MAML3: variants seen among roughly 807,000 people sequenced by gnomAD.
MAML3 encodes mastermind-like protein 3.
MAML3 carries 27 observed loss-of-function variants against 101.9 expected under a neutral mutation model. That is an observed-to-expected ratio of 0.27 (90% CI 0.20 to 0.37). The LOEUF is 0.37. Ranked by LOEUF, MAML3 falls within the 10% of genes least tolerant of loss-of-function variation. The probability of loss-of-function intolerance (pLI) is 1.00; values close to 1 mark genes in which losing one functional copy is unlikely to be tolerated. For synonymous variants in MAML3, 501 were observed against 555.9 expected, an observed-to-expected ratio of 0.90 and a Z score of 1.39; for missense variants, 1,316 against 1,444.9, an observed-to-expected ratio of 0.91 and a Z score of 1.45.
rs1728014447 is a variant in MAML3, at chr4:139,717,252, A to C, written c.*2071T>G. On this transcript the variant is annotated 3_prime_UTR_variant, in exon 5 of 5. Coordinates refer to ENST00000509479, the MANE Select transcript of MAML3 (RefSeq NM_018717.5). ...GGAGGAAGCTTTTAAAAGATAATGG[A>C]GCCCCCCACCCCTGTCTGTCTCACT... The C allele has an allele frequency of 6.7e-6, 1 of 150,182 alleles. No individual in the cohort carries two copies. Among genetic ancestry groups the C allele is most frequent in the Admixed American group, 6.6e-5 (1 of 15,050 alleles). 9.3% of individuals were successfully genotyped at this position (150,182 alleles called of 1,614,324 possible).
chr4:139,756,354 T>C (rs1729650509), intron 2 of MAML3, among the ~76,000 whole-genome samples: 1 of 152,188 alleles, frequency 6.6e-6, no homozygotes, highest in African/African-American at 2.4e-5. Flanking sequence ...TTTATTATGC[T>C]CCATCAAGAC....
intron 1 of MAML3, among the ~76,000 whole-genome samples, chr4:139,909,703 G>C (rs1014122940): frequency 6.6e-6 from 1 of 151,936 alleles, no homozygotes; most frequent in Admixed American, 6.6e-5. Flanking sequence ...TGGGCATGGT[G>C]GTATGTGCCT....
chr4:140,145,368 A>G (rs1729041090), intron 1 of MAML3, among the ~76,000 whole-genome samples: 1 of 152,208 alleles, frequency 6.6e-6, no homozygotes. Context: ...TAAGTTTTCT[A>G]CAGTTGTTAA....
rs557978228 is a variant in MAML3 at position 140,118,957 on chromosome 4, T to C, written c.468+33903A>G. Reference sequence around the variant, plus strand: ...GTAATCATTCAAACCAACCTAATCATTTTTTTGACAAAGGATTTGGGAAAT... The same window carrying C: ...GTAATCATTCAAACCAACCTAATCACTTTTTTGACAAAGGATTTGGGAAAT... On this transcript the variant is annotated intron_variant, in intron 1 of 4. Transcript: ENST00000509479. 8.6e-5 allele frequency among the ~76,000 whole-genome samples: 13 copies of C among 150,894 alleles called. No individual in the cohort carries two copies. In the South Asian group the frequency reaches 2.5e-3, roughly 29 times the overall value.
chr4:139,987,387 T>C (rs538856354), intron 1 of MAML3, among the ~76,000 whole-genome samples: 15 of 152,142 alleles, frequency 9.9e-5, no homozygotes, highest in Non-Finnish European at 2.1e-4. Flanking sequence ...CACCATAGCA[T>C]TGGGTTGTTA....
chr4:139,876,599 C>T (rs971705432), intron 2 of MAML3, among the ~76,000 whole-genome samples: 2 of 152,256 alleles, frequency 1.3e-5, no homozygotes, highest in Non-Finnish European at 2.9e-5. Flanking sequence ...CAAGAGCACA[C>T]TTTGGCACTC....
At position 139,779,354 on chromosome 4, in the gene MAML3, C is replaced by G. The variant is rs528406193; in HGVS notation, c.2080-48687G>C. ...TCAGTTCAAAATCCCAAAGTGTTATCATCAGGTGGCTGGTGGAGTGGAAGA... is the reference window on the plus strand; with the variant it reads ...TCAGTTCAAAATCCCAAAGTGTTATGATCAGGTGGCTGGTGGAGTGGAAGA... On this transcript the variant is annotated intron_variant, in intron 2 of 4. Coordinates refer to ENST00000509479, the MANE Select transcript of MAML3 (RefSeq NM_018717.5). 6.6e-5 allele frequency among the ~76,000 whole-genome samples: 10 copies of G among 152,270 alleles called. 1 individual carries two copies. The South Asian group carries it at 2.1e-3, about 32-fold the overall frequency.
chr4:139,923,008 G>A (rs552639986), intron 1 of MAML3, among the ~76,000 whole-genome samples: 1 of 152,330 alleles, frequency 6.6e-6, no homozygotes, highest in South Asian at 2.1e-4. Flanking sequence ...CCAGTGCTCA[G>A]AAGGGGAGGG....
chr4:139,981,513 C>T (rs1560856177), intron 1 of MAML3, among the ~76,000 whole-genome samples: 1 of 152,116 alleles, frequency 6.6e-6, no homozygotes, highest in Non-Finnish European at 1.5e-5. Context: ...CTATTATTAA[C>T]GTCTTATATT....
chr4:140,075,556 A>G (rs1727751284), intron 1 of MAML3, among the ~76,000 whole-genome samples: 1 of 152,182 alleles, frequency 6.6e-6, no homozygotes, highest in African/African-American at 2.4e-5. Context: ...TTATTTTTAG[A>G]GATAGGATGT....
At chr4:140,038,902 G>A (rs897423417) in intron 1 of MAML3, among the ~76,000 whole-genome samples, 3 of 152,106 alleles carry the variant, frequency 2.0e-5, no homozygotes, top group Non-Finnish European at 4.4e-5. Context: ...AGGCTGAGGT[G>A]GGCAGATCAC....
At chr4:140,132,969 T>C (rs935313132) in intron 1 of MAML3, 2 of 342,084 alleles carry the variant, frequency 5.8e-6, no homozygotes, top group Admixed American at 3.7e-5. Flanking sequence ...GATAAGAGTT[T>C]ATTACAAAAT....
chr4:140,102,327 T>C (rs758928831), intron 1 of MAML3, among the ~76,000 whole-genome samples: 27 of 152,330 alleles, frequency 1.8e-4, no homozygotes, highest in Non-Finnish European at 3.1e-4. Flanking sequence ...GCAATTGCTA[T>C]TGCTGCCGTA....
intron 2 of MAML3, among the ~76,000 whole-genome samples, chr4:139,752,879 C>T (rs528196464): frequency 2.4e-4 from 37 of 152,250 alleles, no homozygotes; most frequent in Non-Finnish European, 4.6e-4. Context: ...TAGCTACTTC[C>T]TTGTGGTGAC....
chr4:140,130,727 T>C (rs1461443263), intron 1 of MAML3, among the ~76,000 whole-genome samples: 2 of 152,170 alleles, frequency 1.3e-5, no homozygotes, highest in East Asian at 1.9e-4. Context: ...TATTACAAGA[T>C]GCTAGCCCTG....
chr4:140,050,942 C>A (rs943106548), intron 1 of MAML3, among the ~76,000 whole-genome samples: 2 of 152,186 alleles, frequency 1.3e-5, no homozygotes, highest in African/African-American at 4.8e-5. Flanking sequence ...ATATGAAGCA[C>A]TAGTACAATC....
chr4:140,049,492 CAGGG>C (rs1727233344), intron 1 of MAML3, among the ~76,000 whole-genome samples: 1 of 152,170 alleles, frequency 6.6e-6, no homozygotes, highest in East Asian at 1.9e-4. Context: ...CACTCACTCA[CAGGG>C]AGAACAGAGG....
intron 2 of MAML3, among the ~76,000 whole-genome samples, chr4:139,749,892 C>CA (rs982634288): frequency 3.7e-5 from 5 of 133,684 alleles, no homozygotes; most frequent in African/African-American, 1.2e-4. Flanking sequence ...AGAACCCCCC[C>CA]CCACCCTATT....
intron 2 of MAML3, among the ~76,000 whole-genome samples, chr4:139,849,422 C>T (rs148053038): frequency 3.9e-5 from 6 of 152,276 alleles, no homozygotes; most frequent in Non-Finnish European, 7.3e-5. Context: ...AGGGTCCAGA[C>T]GCTGTGTCTA....
Sources: gnomAD v4.1 joint callset for allele counts (sites outside exome capture counted in the v4.1 genomes callset) on GRCh38, gnomAD v4.1.1 for gene constraint, MANE v1.5 for transcripts, NCBI Gene and HGNC (gene_info 2026-07-23, HGNC 2026-07-21) for gene names.